PDYN: variants seen among roughly 807,000 people sequenced by gnomAD.
The protein encoded by PDYN is proenkephalin-B.
A neutral mutation model predicts 11.4 loss-of-function variants in PDYN; 5 were observed. The ratio of observed to expected loss-of-function variants is 0.44; its 90% CI spans 0.23 to 0.92. The LOEUF is 0.92. Ranked by LOEUF, PDYN falls within the 40% of genes least tolerant of loss-of-function variation. The pLI is 0.24. For synonymous variants in PDYN, 132 were observed against 129.5 expected (o/e 1.02, Z -0.13); for missense variants, 337 against 317.3 (o/e 1.06, Z -0.47).
At chr20:1,985,804 G>A (rs1568542343) in intron 2 of PDYN, among the ~76,000 whole-genome samples, 1 of 152,118 alleles carries the variant, frequency 6.6e-6, no homozygotes. Context: ...CTGCGGAGTG[G>A]ATTACAGTTC....
At chr20:1,989,765 G>A (rs1988351526) in intron 2 of PDYN, among the ~76,000 whole-genome samples, 1 of 152,154 alleles carries the variant, frequency 6.6e-6, no homozygotes, top group Non-Finnish European at 1.5e-5. Context: ...TGAGTCACGA[G>A]GGAAATGGAG....
At chr20:1,990,886 T>A in intron 2 of PDYN, among the ~76,000 whole-genome samples, 1 of 141,782 alleles carries the variant, frequency 7.1e-6, no homozygotes, top group Non-Finnish European at 1.5e-5. Context: ...AGGTGAGAAC[T>A]GCACACACAG....
At chr20:1,986,258 G>A (rs1988179286) in intron 2 of PDYN, among the ~76,000 whole-genome samples, 1 of 152,120 alleles carries the variant, frequency 6.6e-6, no homozygotes, top group Non-Finnish European at 1.5e-5. Context: ...GGCAAAGCTG[G>A]GATTCCTACC....
rs1242938963 is a variant in PDYN, at chr20:1,980,585, G to T, written c.503C>A (p.Pro168His). The change falls in exon 4 of 4, where the codon CCC (proline) becomes CAC (histidine). Residue 168 changes from proline (P) to histidine (H), a missense_variant. Pro to His is a moderately conservative substitution (Grantham distance 77). Transcript: ENST00000217305. ...CCCATAGCGTTTGACCTGCTCCTTG[G>T]GGTCCTCCTCAGCGAGATAGAGTGT... ...TGTLYLAEED[P>H]KEQVKRYGGF... 6.2e-7 allele frequency: 1 copy of T among 1,614,068 alleles called. No homozygotes were observed. Among genetic ancestry groups the T allele is most frequent in the Non-Finnish European group, 8.5e-7 (1 of 1,180,004 alleles).
chr20:1,990,806 G>A (rs547411302), intron 2 of PDYN, among the ~76,000 whole-genome samples: 20 of 152,062 alleles, frequency 1.3e-4, no homozygotes, highest in Non-Finnish European at 2.5e-4. Context: ...GACATAGAGA[G>A]AGAGATGTAA....
intron 2 of PDYN, among the ~76,000 whole-genome samples, chr20:1,986,941 T>G (rs560716161): frequency 6.6e-6 from 1 of 152,234 alleles, no homozygotes; most frequent in Non-Finnish European, 1.5e-5. Flanking sequence ...CTCAGTTGCC[T>G]CTTCCAGGAA....
intron 2 of PDYN, among the ~76,000 whole-genome samples, chr20:1,983,976 C>G (rs1239344538): frequency 6.6e-6 from 1 of 152,188 alleles, no homozygotes; most frequent in East Asian, 1.9e-4. Flanking sequence ...ATTCTGTTAC[C>G]TGTCATTTAG....
intron 3 of PDYN, among the ~76,000 whole-genome samples, chr20:1,981,405 C>T (rs1987778078): frequency 6.6e-6 from 1 of 152,102 alleles, no homozygotes; most frequent in Non-Finnish European, 1.5e-5. Context: ...CAGGAGAGGA[C>T]ACAGGAGGGT....
At chr20:1,988,093 A>G (rs906617566) in intron 2 of PDYN, among the ~76,000 whole-genome samples, 3 of 152,196 alleles carry the variant, frequency 2.0e-5, no homozygotes, top group Admixed American at 6.5e-5. Flanking sequence ...AGCAACAGCC[A>G]CCGATTCTCA....
chr20:1,982,237 A>C (rs1278097171), intron 3 of PDYN, among the ~76,000 whole-genome samples: 2 of 152,196 alleles, frequency 1.3e-5, no homozygotes, highest in African/African-American at 4.8e-5. Context: ...AGTCTGGGCT[A>C]CTGAGTGAGA....
chr20:1,980,653 C>G lies in PDYN; in HGVS notation c.435G>C (p.Leu145=). 1 of 1,614,198 alleles carries G rather than the reference C, an allele frequency of 6.2e-7. No individual in the cohort carries two copies. Among genetic ancestry groups the G allele is most frequent in the Non-Finnish European group, 8.5e-7 (1 of 1,180,034 alleles). Residue 145 remains leucine, a synonymous_variant, in exon 4 of 4, where the codon CTG becomes CTC. Coordinates refer to ENST00000217305, the MANE Select transcript of PDYN (RefSeq NM_024411.5). ...CATCGTTCAGCTGGGCATCCCTCATCAGCTCAGACTCTGCTCCCTCCCTAA... is the reference window on the plus strand; with the variant it reads ...CATCGTTCAGCTGGGCATCCCTCATGAGCTCAGACTCTGCTCCCTCCCTAA... ...DGFREGAESE[L]MRDAQLNDGA... is the part of the protein sequence containing the mutation.
rs557889066 is a variant in PDYN at position 1,984,456 on chromosome 20, G to C, written c.-19-1353C>G. Among the ~76,000 whole-genome samples, 32 of 152,168 alleles carry C rather than the reference G, an allele frequency of 2.1e-4. 1 individual carries two copies. The South Asian group carries it at 6.6e-3, about 32-fold the overall frequency. On this transcript the variant is annotated intron_variant, in intron 2 of 3. Transcript: ENST00000217305. ...TGGTGGTGTGTATGTTGTGGTTATT[G>C]CCTCCCCAATAGAATGTTAGCTCCT...
Position 1,983,368 on chromosome 20 carries a change from C to T in PDYN, c.-19-265G>A, listed in dbSNP as rs1407070918. On this transcript the variant is annotated intron_variant, in intron 2 of 3. Coordinates refer to ENST00000217305, the MANE Select transcript of PDYN (RefSeq NM_024411.5). ...CTGCACAATAGTTCTTCAATGTGGG[C>T]TGTGCTAGTTTGATTCAACAGATGG... Among the ~76,000 whole-genome samples the T allele has an allele frequency of 2.0e-5, 3 of 152,196 alleles. No homozygotes were observed. The South Asian group carries it at 6.2e-4, about 32-fold the overall frequency.
rs1418723209 is a variant in PDYN, at chr20:1,979,421, T to G, written c.*902A>C. ...GAGTAGAAGCATGATACCCATCAGTTTAATTAGTTTAATGAGGGCTGAGGG... is the reference window on the plus strand; with the variant it reads ...GAGTAGAAGCATGATACCCATCAGTGTAATTAGTTTAATGAGGGCTGAGGG... On this transcript the variant is annotated 3_prime_UTR_variant, in exon 4 of 4. Transcript: ENST00000217305. 1 of 152,190 alleles carries G rather than the reference T, an allele frequency of 6.6e-6. No homozygotes were observed. Among genetic ancestry groups the G allele is most frequent in the Non-Finnish European group, 1.5e-5 (1 of 68,048 alleles). The allele number at this position is 152,190 out of a possible 1,614,324, so 9.4% of individuals were successfully genotyped here. A position where few individuals can be genotyped will look rare whatever the true frequency, so the allele number is the denominator to read the frequency against.
At chr20:1,991,512 C>T (rs890241571) in intron 2 of PDYN, among the ~76,000 whole-genome samples, 1 of 152,164 alleles carries the variant, frequency 6.6e-6, no homozygotes, top group African/African-American at 2.4e-5. Flanking sequence ...CACTCCATTT[C>T]GAGGGTCTGA....
At chr20:1,988,431 G>C (rs769693374) in intron 2 of PDYN, among the ~76,000 whole-genome samples, 1 of 152,124 alleles carries the variant, frequency 6.6e-6, no homozygotes, top group Non-Finnish European at 1.5e-5. Context: ...GAAGCATTTC[G>C]ACCTTTCTGA....
chr20:1,981,962 A>ATAAATAAG (rs1854853254), intron 3 of PDYN, among the ~76,000 whole-genome samples: 1 of 150,280 alleles, frequency 6.7e-6, no homozygotes. Context: ...AAATAAATAA[A>ATAAATAAG]TAATAACTTC....
rs1292588942 is a variant in PDYN, at chr20:1,978,833, C to A, written c.*1490G>T. ...AGCCTATTAAAGGCTAAGCAAATTCCAAGTAAATTGCATAAATGGGATTTT... is the reference window on the plus strand; with the variant it reads ...AGCCTATTAAAGGCTAAGCAAATTCAAAGTAAATTGCATAAATGGGATTTT... On this transcript the variant is annotated 3_prime_UTR_variant, in exon 4 of 4. Coordinates refer to ENST00000217305, the MANE Select transcript of PDYN (RefSeq NM_024411.5). 6.6e-6 allele frequency: 1 copy of A among 152,154 alleles called. No individual in the cohort carries two copies. Among genetic ancestry groups the A allele is most frequent in the Non-Finnish European group, 1.5e-5 (1 of 68,018 alleles). The allele number at this position is 152,154 out of a possible 1,614,324, so 9.4% of individuals were successfully genotyped here.
Position 1,980,727 on chromosome 20 carries a change from T to G in PDYN, c.361A>C (p.Thr121Pro). 6.2e-7 allele frequency: 1 copy of G among 1,614,064 alleles called. No individual in the cohort carries two copies. Among genetic ancestry groups the G allele is most frequent in the Non-Finnish European group, 8.5e-7 (1 of 1,180,000 alleles). ...FLPSISTKEN[T>P]LSKSLEEKLR... ...TTCTCCTCCAGGCTCTTGCTCAGAG[T>G]GTTCTCCTTTGTTGAGATACTTGGG... The change falls in exon 4 of 4, where the codon ACT becomes CCT. Residue 121 changes from threonine (T) to proline (P), a missense_variant. Physicochemically the swap from Thr to Pro is conservative, Grantham distance 38. Coordinates refer to ENST00000217305, the MANE Select transcript of PDYN (RefSeq NM_024411.5).
Sources: gnomAD v4.1 joint callset for allele counts (sites outside exome capture counted in the v4.1 genomes callset) on GRCh38, gnomAD v4.1.1 for gene constraint, MANE v1.5 for transcripts, NCBI Gene and HGNC (gene_info 2026-07-23, HGNC 2026-07-21) for gene names.